KHDRBS2: variants seen among roughly 807,000 people sequenced by gnomAD.
KHDRBS2 encodes KH domain-containing, RNA-binding, signal transduction-associated protein 2.
KHDRBS2 carries 26 observed loss-of-function variants against 44.3 expected under a neutral mutation model. The ratio of observed to expected loss-of-function variants is 0.59; its 90% CI spans 0.43 to 0.81. The LOEUF is 0.81. Among genes scored for constraint, KHDRBS2 ranks in the 40% least tolerant of loss-of-function variants. The pLI is 0.00. For missense variants in KHDRBS2, 476 were observed against 433.1 expected (o/e 1.10, Z -0.88); for synonymous variants, 194 against 151.1 (o/e 1.28, Z -2.08).
chr6:61,926,839 G>A (rs1331010266), intron 4 of KHDRBS2, among the ~76,000 whole-genome samples: 1 of 151,704 alleles, frequency 6.6e-6, no homozygotes, highest in Non-Finnish European at 1.5e-5. Context: ...AAGAGAAAGA[G>A]ACAGATGAGC....
At chr6:62,054,268 A>C (rs2127317304) in intron 2 of KHDRBS2, among the ~76,000 whole-genome samples, 1 of 152,206 alleles carries the variant, frequency 6.6e-6, no homozygotes, top group African/African-American at 2.4e-5. Context: ...TCCACATATC[A>C]AGATTCATCA....
chr6:61,994,315 G>T (rs945913354), intron 3 of KHDRBS2, among the ~76,000 whole-genome samples: 1 of 152,096 alleles, frequency 6.6e-6, no homozygotes, highest in African/African-American at 2.4e-5. Flanking sequence ...ACCTCTAAAA[G>T]AATGTCTTTC....
chr6:61,954,737 T>C lies in KHDRBS2; in HGVS notation c.483+23329A>G, dbSNP rs1444837060. Reference sequence around the variant, plus strand: ...ACATGCATACTTATGTATACATACATATGTGTATATACACATGCATATGTA... The same window carrying C: ...ACATGCATACTTATGTATACATACACATGTGTATATACACATGCATATGTA... On this transcript the variant is annotated intron_variant, in intron 4 of 8. Coordinates refer to ENST00000281156, the MANE Select transcript of KHDRBS2 (RefSeq NM_152688.4). Among the ~76,000 whole-genome samples the C allele has an allele frequency of 2.2e-3, 247 of 111,506 alleles. 61 individuals carry two copies. The highest frequency in any genetic ancestry group is 4.6e-3 in the Admixed American group (51 of 11,138). The allele number at this position is 111,506 out of a possible 152,430, so 73.2% of individuals were successfully genotyped here.
chr6:61,613,225 G>C, the KHDRBS2 span, among the ~76,000 whole-genome samples: 2 of 152,272 alleles, frequency 1.3e-5, no homozygotes, highest in African/African-American at 4.8e-5. Context: ...AGGGTCAGGA[G>C]ACCAAGAACC....
At chr6:62,256,750 T>C (rs938807584) in intron 1 of KHDRBS2, among the ~76,000 whole-genome samples, 10 of 152,048 alleles carry the variant, frequency 6.6e-5, no homozygotes, top group African/African-American at 2.2e-4. Flanking sequence ...GGGAAGGAGA[T>C]TGCAGTAGTT....
At chr6:61,785,838 A>C (rs1193837217) in intron 6 of KHDRBS2, among the ~76,000 whole-genome samples, 1 of 152,172 alleles carries the variant, frequency 6.6e-6, no homozygotes, top group Non-Finnish European at 1.5e-5. Context: ...TAATAGCAAT[A>C]GTGTGAAATG....
At chr6:62,091,628 CACA>C (rs1266379273) in intron 2 of KHDRBS2, among the ~76,000 whole-genome samples, 2 of 152,038 alleles carry the variant, frequency 1.3e-5, no homozygotes, top group African/African-American at 2.4e-5. Context: ...TTCAAATTTT[CACA>C]ACATTTGAAA....
intron 2 of KHDRBS2, among the ~76,000 whole-genome samples, chr6:62,077,076 T>G (rs1278347128): frequency 2.6e-5 from 4 of 151,900 alleles, no homozygotes; most frequent in Non-Finnish European, 5.9e-5. Context: ...AATAATAAAT[T>G]TACTCCAAGA....
intron 6 of KHDRBS2, among the ~76,000 whole-genome samples, chr6:61,785,033 C>A (rs1783565862): frequency 6.6e-6 from 1 of 151,870 alleles, no homozygotes; most frequent in African/African-American, 2.4e-5. Context: ...TCTGTAGTCC[C>A]CGCTACTCAA....
chr6:61,566,635 G>A, the KHDRBS2 span, among the ~76,000 whole-genome samples: 2 of 152,158 alleles, frequency 1.3e-5, no homozygotes, highest in Admixed American at 6.5e-5. Flanking sequence ...GATAGAATAT[G>A]TTAGGTCTGA....
intron 1 of KHDRBS2, among the ~76,000 whole-genome samples, chr6:62,249,333 A>T (rs745307079): frequency 6.6e-6 from 1 of 152,084 alleles, no homozygotes; most frequent in Non-Finnish European, 1.5e-5. Flanking sequence ...AGATTTTGTA[A>T]AGTATAGTAT....
chr6:62,051,195 T>A (rs1235898024), intron 2 of KHDRBS2, among the ~76,000 whole-genome samples: 2 of 152,090 alleles, frequency 1.3e-5, no homozygotes, highest in Non-Finnish European at 2.9e-5. Context: ...ATAGGTATAC[T>A]TTTATCAAAA....
chr6:62,082,109 G>A (rs145467627), intron 2 of KHDRBS2, among the ~76,000 whole-genome samples: 116 of 152,172 alleles, frequency 7.6e-4, no homozygotes, highest in Non-Finnish European at 1.0e-3. Context: ...AGGAGGTGAC[G>A]AATCCAAAAT....
intron 1 of KHDRBS2, among the ~76,000 whole-genome samples, chr6:62,197,180 T>C (rs1286523695): frequency 1.3e-5 from 2 of 152,118 alleles, no homozygotes; most frequent in South Asian, 2.1e-4. Context: ...TATTAAATTA[T>C]AGTAAATGAA....
chr6:61,880,204 G>A (rs1390508187), intron 6 of KHDRBS2, among the ~76,000 whole-genome samples: 1 of 151,814 alleles, frequency 6.6e-6, no homozygotes, highest in Non-Finnish European at 1.5e-5. Flanking sequence ...AGACAATAGA[G>A]ACAGTCAAGA....
chr6:62,017,326 C>T (rs1401123714), intron 3 of KHDRBS2, among the ~76,000 whole-genome samples: 1 of 151,802 alleles, frequency 6.6e-6, no homozygotes, highest in Non-Finnish European at 1.5e-5. Context: ...TGATAAAATC[C>T]TATAAGAGGA....
intron 6 of KHDRBS2, among the ~76,000 whole-genome samples, chr6:61,861,009 G>A (rs181128167): frequency 6.6e-6 from 1 of 151,880 alleles, no homozygotes; most frequent in East Asian, 1.9e-4. Flanking sequence ...TTGTCTGCAT[G>A]TATGTCTTGA....
chr6:61,649,618 T>A, the KHDRBS2 span, among the ~76,000 whole-genome samples: 2 of 152,194 alleles, frequency 1.3e-5, no homozygotes, highest in Non-Finnish European at 2.9e-5. Context: ...TCAACAATTT[T>A]TCTTTCTTAG....
At chr6:61,562,895 C>T in the KHDRBS2 span, among the ~76,000 whole-genome samples, 7 of 152,050 alleles carry the variant, frequency 4.6e-5, no homozygotes, top group African/African-American at 1.7e-4. Context: ...GAGTTGTTAT[C>T]TATTTTAAAA....
Sources: gnomAD v4.1 joint callset for allele counts (sites outside exome capture counted in the v4.1 genomes callset) on GRCh38, gnomAD v4.1.1 for gene constraint, MANE v1.5 for transcripts, NCBI Gene and HGNC (gene_info 2026-07-23, HGNC 2026-07-21) for gene names.